The following NFIB variants were observed in gnomAD, a reference collection of about 807,000 sequenced individuals.
NFIB encodes the protein nuclear factor 1 B-type.
A neutral mutation model predicts 61.5 loss-of-function variants in NFIB; 11 were observed. The ratio of observed to expected loss-of-function variants is 0.18; its 90% CI spans 0.11 to 0.30. The LOEUF (loss-of-function observed/expected upper bound fraction) is 0.30, where lower values mean the gene tolerates loss of function less well. NFIB is among the 10% of genes least tolerant of loss of function. The pLI is 1.00. For synonymous variants in NFIB, 260 were observed against 216.5 expected (o/e 1.20, Z -1.76); for missense variants, 471 against 608.9 (o/e 0.77, Z 2.38).
chr9:14,314,323 G>C (rs993533098), upstream of NFIB: 217 of 204,606 alleles, frequency 1.1e-3, no homozygotes, highest in Non-Finnish European at 1.6e-3. Flanking sequence ...TTCGGCGCCC[G>C]GCCGCCCGCC....
At chr9:14,287,719 C>T (rs1191039651) in intron 2 of NFIB, among the ~76,000 whole-genome samples, 2 of 151,948 alleles carry the variant, frequency 1.3e-5, no homozygotes, top group Admixed American at 6.6e-5. Context: ...TGCGCCCGGC[C>T]CACAGTTTTC....
the NFIB span, among the ~76,000 whole-genome samples, chr9:14,529,562 T>C: frequency 2.6e-5 from 4 of 152,180 alleles, no homozygotes; most frequent in African/African-American, 9.6e-5. Flanking sequence ...CGCCATGTAT[T>C]CTGTCTCTCT....
the NFIB span, among the ~76,000 whole-genome samples, chr9:14,470,813 T>C: frequency 1.3e-5 from 2 of 152,194 alleles, no homozygotes; most frequent in African/African-American, 2.4e-5. Flanking sequence ...CAGACTCTAA[T>C]CACAATTTGT....
the NFIB span, among the ~76,000 whole-genome samples, chr9:14,450,571 A>C: frequency 6.6e-6 from 1 of 152,094 alleles, no homozygotes; most frequent in Non-Finnish European, 1.5e-5. Context: ...ACTTATAACA[A>C]ACCTTGCTCA....
At chr9:14,134,860 T>A (rs1298015839) in intron 6 of NFIB, among the ~76,000 whole-genome samples, 1 of 133,036 alleles carries the variant, frequency 7.5e-6, no homozygotes, top group Non-Finnish European at 1.5e-5. Context: ...ATCACGCCAC[T>A]GCTCTCCAGC....
the NFIB span, among the ~76,000 whole-genome samples, chr9:14,446,070 G>C: frequency 6.6e-6 from 1 of 152,278 alleles, no homozygotes; most frequent in African/African-American, 2.4e-5. Context: ...CTCTCTTCCA[G>C]CTTTCATTGC....
chr9:14,264,211 C>G (rs1372253734), intron 2 of NFIB, among the ~76,000 whole-genome samples: 1 of 151,948 alleles, frequency 6.6e-6, no homozygotes, highest in Non-Finnish European at 1.5e-5. Flanking sequence ...GATATCCCTA[C>G]TAAGACTAGA....
chr9:14,270,843 G>A (rs2057553179), intron 2 of NFIB, among the ~76,000 whole-genome samples: 1 of 152,148 alleles, frequency 6.6e-6, no homozygotes, highest in Non-Finnish European at 1.5e-5. Context: ...GAACCTATGA[G>A]TTCTGGTAAA....
At chr9:14,519,351 G>C in the NFIB span, among the ~76,000 whole-genome samples, 1 of 152,160 alleles carries the variant, frequency 6.6e-6, no homozygotes, top group African/African-American at 2.4e-5. Context: ...GGGGAAAAAT[G>C]AAATTAATGA....
chr9:14,435,750 T>C, the NFIB span, among the ~76,000 whole-genome samples: 4 of 152,070 alleles, frequency 2.6e-5, no homozygotes, highest in Non-Finnish European at 2.9e-5. Flanking sequence ...TAGCAGACAC[T>C]GTAAGCTCCG....
intron 6 of NFIB, among the ~76,000 whole-genome samples, chr9:14,129,746 T>G (rs1156934340): frequency 6.6e-6 from 1 of 152,088 alleles, no homozygotes; most frequent in East Asian, 1.9e-4. Context: ...GAATACTACA[T>G]AAAAAGATTA....
chr9:14,231,120 G>GAA lies in NFIB; in HGVS notation c.563-51342_563-51341dup, dbSNP rs1188458970. On this transcript the variant is annotated intron_variant, in intron 2 of 10. Transcript: ENST00000380953. ...CCTTGGCCTACAGTTTTTCCATGGG[G>GAA]AAAAAAAAAAAAAAAATATATATAT... Among the ~76,000 whole-genome samples the GAA allele has an allele frequency of 6.5e-3, 425 of 65,748 alleles. 8 individuals carry two copies. The highest frequency in any genetic ancestry group is 0.021 in the African/African-American group (358 of 17,300). 43.1% of individuals were successfully genotyped at this position (65,748 alleles called of 152,430 possible).
At chr9:14,173,897 T>A (rs375314960) in intron 3 of NFIB, among the ~76,000 whole-genome samples, 3 of 152,162 alleles carry the variant, frequency 2.0e-5, no homozygotes, top group African/African-American at 7.2e-5. Flanking sequence ...CTAGAAGCAC[T>A]GTGGAGGCTG....
At chr9:14,387,346 T>A (rs16931673) in intron 1 of NFIB, among the ~76,000 whole-genome samples, 2,626 of 152,328 alleles carry the variant, frequency 0.017, 57 homozygotes, top group African/African-American at 0.06. Context: ...TATGCAACCA[T>A]GAGCCTCACA....
intron 2 of NFIB, among the ~76,000 whole-genome samples, chr9:14,252,842 A>G (rs967863637): frequency 2.0e-5 from 3 of 152,142 alleles, no homozygotes; most frequent in East Asian, 1.9e-4. Context: ...TATTGCACCC[A>G]TGACGGTCAC....
At chr9:14,151,673 G>C (rs1239107181) in intron 4 of NFIB, among the ~76,000 whole-genome samples, 1 of 152,112 alleles carries the variant, frequency 6.6e-6, no homozygotes, top group Non-Finnish European at 1.5e-5. Flanking sequence ...TCTAAACAGG[G>C]ACTGCTGCAG....
chr9:14,523,830 G>C, the NFIB span, among the ~76,000 whole-genome samples: 1 of 152,166 alleles, frequency 6.6e-6, no homozygotes, highest in South Asian at 2.1e-4. Flanking sequence ...GACTGAGCTT[G>C]TGTGCTTGCA....
intron 2 of NFIB, among the ~76,000 whole-genome samples, chr9:14,198,341 T>C (rs1224676113): frequency 6.6e-6 from 1 of 152,168 alleles, no homozygotes; most frequent in Non-Finnish European, 1.5e-5. Context: ...TAAATCATCC[T>C]AAAATTTAGA....
At chr9:14,102,763 C>T (rs745646689) in intron 10 of NFIB, among the ~76,000 whole-genome samples, 1 of 152,008 alleles carries the variant, frequency 6.6e-6, no homozygotes, top group Non-Finnish European at 1.5e-5. Flanking sequence ...GTGCTTAGAA[C>T]ATAACAATTA....
Sources: gnomAD v4.1 joint callset for allele counts (sites outside exome capture counted in the v4.1 genomes callset) on GRCh38, gnomAD v4.1.1 for gene constraint, MANE v1.5 for transcripts, NCBI Gene and HGNC (gene_info 2026-07-23, HGNC 2026-07-21) for gene names.